Variants in MINDY4 observed in about 807,000 individuals in gnomAD.
MINDY4 encodes the protein probable ubiquitin carboxyl-terminal hydrolase MINDY-4.
MINDY4 carries 68 observed loss-of-function variants against 87.0 expected under a neutral mutation model. The ratio of observed to expected loss-of-function variants is 0.78; its 90% CI spans 0.64 to 0.96. The LOEUF (loss-of-function observed/expected upper bound fraction) is 0.96, where lower values mean the gene tolerates loss of function less well. Among genes scored for constraint, MINDY4 ranks in the 40% least tolerant of loss-of-function variants. The probability of loss-of-function intolerance (pLI) is 0.00; values close to 1 mark genes in which losing one functional copy is unlikely to be tolerated. For missense variants in MINDY4, 919 were observed against 928.2 expected, an observed-to-expected ratio of 0.99 and a Z score of 0.13; for synonymous variants, 379 against 363.2, an observed-to-expected ratio of 1.04 and a Z score of -0.50.
chr7:30,778,590 TG>T (rs772684983), intron 2 of MINDY4, 39 bp downstream of exon 2: 2 of 1,612,582 alleles, frequency 1.2e-6, no homozygotes, highest in Admixed American at 3.3e-5. Flanking sequence ...GTCTTGGAAC[TG>T]AGTTTGGCAC....
chr7:30,876,009 A>G (rs945410944), intron 15 of MINDY4, among the ~76,000 whole-genome samples: 7 of 152,190 alleles, frequency 4.6e-5, no homozygotes, highest in African/African-American at 1.4e-4. Context: ...TTAGTTTCCT[A>G]GTGCTGCCTA....
intron 5 of MINDY4, among the ~76,000 whole-genome samples, chr7:30,828,102 T>G (rs1788572258): frequency 6.6e-6 from 1 of 152,174 alleles, no homozygotes; most frequent in South Asian, 2.1e-4. Flanking sequence ...AAGCTCTGTG[T>G]GCACATACCT....
chr7:30,820,047 G>A (rs1415962405), intron 5 of MINDY4, among the ~76,000 whole-genome samples: 2 of 149,118 alleles, frequency 1.3e-5, no homozygotes, highest in African/African-American at 4.9e-5. Flanking sequence ...GACTACAGGC[G>A]CCCGCCACTA....
chr7:30,783,047 G>A (rs765105824), intron 3 of MINDY4, among the ~76,000 whole-genome samples: 3 of 152,202 alleles, frequency 2.0e-5, no homozygotes, highest in Non-Finnish European at 4.4e-5. Context: ...AATCCTCACA[G>A]TAGTTAAAGC....
chr7:30,836,856 T>C (rs1295087608), intron 7 of MINDY4, 92 bp downstream of exon 7: 18 of 907,526 alleles, frequency 2.0e-5, no homozygotes, highest in Non-Finnish European at 3.1e-5. Context: ...ATCCAGCTCA[T>C]TGTAATCTCT....
Position 30,821,776 on chromosome 7 carries a change from A to G in MINDY4, c.1074-6903A>G, listed in dbSNP as rs193171933. Among the ~76,000 whole-genome samples the G allele has an allele frequency of 1.3e-3, 199 of 151,732 alleles. 2 individuals carry two copies. The highest frequency in any genetic ancestry group is 4.7e-3 in the African/African-American group (195 of 41,216). ...GCAGTTTATCTCTCTCCTGATGGTGATATTCTGAGTAATGTCATCTGATAG... is the reference window on the plus strand; with the variant it reads ...GCAGTTTATCTCTCTCCTGATGGTGGTATTCTGAGTAATGTCATCTGATAG... On this transcript the variant is annotated intron_variant, in intron 5 of 17. Transcript: ENST00000265299.
intron 15 of MINDY4, among the ~76,000 whole-genome samples, chr7:30,876,681 T>C (rs1012832028): frequency 6.6e-6 from 1 of 152,148 alleles, no homozygotes; most frequent in African/African-American, 2.4e-5. Flanking sequence ...TTGCTTTCCA[T>C]GGCTTCAGAG....
intron 9 of MINDY4, among the ~76,000 whole-genome samples, chr7:30,848,047 A>G (rs1650337358): frequency 6.6e-6 from 1 of 152,220 alleles, no homozygotes; most frequent in South Asian, 2.1e-4. Flanking sequence ...GTTGGCTTTT[A>G]AAATCTTATT....
Position 30,882,353 on chromosome 7 carries a change from T to A in MINDY4, c.2144T>A (p.Leu715Gln). The change falls in exon 16 of 18, where the codon CTG (leucine) becomes CAG (glutamine). Residue 715 changes from leucine to glutamine, a missense_variant. Physicochemically the swap from Leu to Gln is moderately radical, Grantham distance 113. Transcript: ENST00000265299. The stretch of plus-strand genomic sequence containing the variant: ...GCCAACCAGCAGGAGCAGATCCGGC[T>A]GACCATTGGTGCGGGCCCTCACCCC... ...GLANQQEQIR[L>Q]TIDTTQTISE... 1 of 1,589,558 alleles carries A rather than the reference T, an allele frequency of 6.3e-7. No homozygotes were observed. Among genetic ancestry groups the A allele is most frequent in the Admixed American group, 1.7e-5 (1 of 58,946 alleles).
chr7:30,849,841 T>C (rs934218470), intron 9 of MINDY4, among the ~76,000 whole-genome samples: 1 of 152,216 alleles, frequency 6.6e-6, no homozygotes, highest in Non-Finnish European at 1.5e-5. Context: ...TCCAGCTACC[T>C]CTTCCCAGCC....
At chr7:30,823,471 T>TCCCTTCATTCCTTCCTCCTTC (rs1788403142) in intron 5 of MINDY4, among the ~76,000 whole-genome samples, 1 of 152,208 alleles carries the variant, frequency 6.6e-6, no homozygotes, top group Non-Finnish European at 1.5e-5. Flanking sequence ...CTTCCTTCTT[T>TCCCTTCATTCCTTCCTCCTTC]CCCTTCATTC....
At chr7:30,798,823 G>GTAC (rs1434355878) in intron 5 of MINDY4, among the ~76,000 whole-genome samples, 1 of 152,194 alleles carries the variant, frequency 6.6e-6, no homozygotes, top group African/African-American at 2.4e-5. Flanking sequence ...TATCAGGCCA[G>GTAC]TGGTGTTTCT....
In MINDY4 at chr7:30,850,267, C is replaced by T. The variant is rs138653807; in HGVS notation, c.1446-187C>T. On this transcript the variant is annotated intron_variant, in intron 9 of 17. Transcript: ENST00000265299. ...CCACTTGAAGGCACCTCCTTTGGCCCTCAGCTGTGGAGACCCCTCTTTCCT... is the reference window on the plus strand; with the variant it reads ...CCACTTGAAGGCACCTCCTTTGGCCTTCAGCTGTGGAGACCCCTCTTTCCT... 5.6e-3 allele frequency among the ~76,000 whole-genome samples: 848 copies of T among 152,366 alleles called. 1 individual carries two copies. Among genetic ancestry groups the T allele is most frequent in the Non-Finnish European group, 9.2e-3 (626 of 68,034 alleles).
rs77207949 is a variant in MINDY4 at position 30,772,317 on chromosome 7, T to C, written c.63+761T>C. Reference sequence around the variant, plus strand: ...GGGCTAGGGCGATGGGTACTTGTCTTGTATGAAAACACATACACGTAATTT... The same window carrying C: ...GGGCTAGGGCGATGGGTACTTGTCTCGTATGAAAACACATACACGTAATTT... On this transcript the variant is annotated intron_variant, in intron 1 of 17. Transcript: ENST00000265299. 1.8e-3 allele frequency among the ~76,000 whole-genome samples: 273 copies of C among 152,308 alleles called. 1 individual carries two copies. Among genetic ancestry groups the C allele is most frequent in the African/African-American group, 6.4e-3 (265 of 41,554 alleles).
At chr7:30,807,103 A>C (rs976559094) in intron 5 of MINDY4, among the ~76,000 whole-genome samples, 1 of 152,248 alleles carries the variant, frequency 6.6e-6, no homozygotes, top group Non-Finnish European at 1.5e-5. Flanking sequence ...AAACTGAAAA[A>C]GTCCCAGATG....
rs1457616678 is a variant in MINDY4, at chr7:30,771,468, T to TCGTGGGCAGAGCCAGAGCCAGAGC, written c.-24_-1dup. On this transcript the variant is annotated 5_prime_UTR_variant, in exon 1 of 18. Transcript: ENST00000265299. ...CTGGTGCTGCGGCCCGGCGTGGGCCTCGTGGGCAGAGCCAGAGCCAGAGCC... is the reference window on the plus strand; with the variant it reads ...CTGGTGCTGCGGCCCGGCGTGGGCCTCGTGGGCAGAGCCAGAGCCAGAGCCGTGGGCAGAGCCAGAGCCAGAGCC... The TCGTGGGCAGAGCCAGAGCCAGAGC allele has an allele frequency of 6.3e-7, 1 of 1,594,990 alleles. No homozygotes were observed. Among genetic ancestry groups the TCGTGGGCAGAGCCAGAGCCAGAGC allele is most frequent in the South Asian group, 1.1e-5 (1 of 87,262 alleles).
At chr7:30,881,874 G>A (rs1463662478) in intron 15 of MINDY4, among the ~76,000 whole-genome samples, 1 of 152,158 alleles carries the variant, frequency 6.6e-6, no homozygotes, top group Non-Finnish European at 1.5e-5. Context: ...CAGTGGGGGA[G>A]CTCTTGGATG....
chr7:30,830,603 C>T (rs74569010), intron 6 of MINDY4, among the ~76,000 whole-genome samples: 1 of 152,168 alleles, frequency 6.6e-6, no homozygotes, highest in East Asian at 1.9e-4. Context: ...CATCAAATCT[C>T]ATGAGAACTC....
chr7:30,787,085 TCCCTGC>T (rs1386286804), intron 4 of MINDY4, among the ~76,000 whole-genome samples: 1 of 152,230 alleles, frequency 6.6e-6, no homozygotes, highest in Non-Finnish European at 1.5e-5. Context: ...GTGAGTCCTC[TCCCTGC>T]CCCTGGCTCT....
Sources: gnomAD v4.1 joint callset for allele counts (sites outside exome capture counted in the v4.1 genomes callset) on GRCh38, gnomAD v4.1.1 for gene constraint, MANE v1.5 for transcripts, NCBI Gene and HGNC (gene_info 2026-07-23, HGNC 2026-07-21) for gene names.